Variants in SLC4A8 observed in about 807,000 individuals in gnomAD.
SLC4A8 encodes electroneutral sodium bicarbonate exchanger 1.
In SLC4A8, 40 loss-of-function variants were observed where a neutral mutation model predicts 125.0. That is an observed-to-expected ratio of 0.32 (90% CI 0.25 to 0.42). The LOEUF (loss-of-function observed/expected upper bound fraction) is 0.42, where lower values mean the gene tolerates loss of function less well. Ranked by LOEUF, SLC4A8 falls within the 10% of genes least tolerant of loss-of-function variation. The pLI, the probability that SLC4A8 is intolerant of heterozygous loss-of-function variation, is 1.00. For missense variants in SLC4A8, 863 were observed against 1,355.1 expected (o/e 0.64, Z 5.70); for synonymous variants, 456 against 476.0 (o/e 0.96, Z 0.55).
intron 16 of SLC4A8, among the ~76,000 whole-genome samples, chr12:51,478,105 C>T (rs1950908487): frequency 6.6e-6 from 1 of 152,046 alleles, no homozygotes; most frequent in African/African-American, 2.4e-5. Context: ...GAAACCCTGT[C>T]TCTACTAAAA....
chr12:51,400,765 TATATATATATATAC>T lies in SLC4A8; in HGVS notation c.-112+9281_-112+9294del, dbSNP rs1304420066. On this transcript the variant is annotated intron_variant, in intron 1 of 24. Transcript: ENST00000358657. ...ATATATATATATATATATATATATA[TATATATATATATAC>T]ATACATACACACACACACACACATA... Among the ~76,000 whole-genome samples, 61 of 7,924 alleles carry T rather than the reference TATATATATATATAC, an allele frequency of 7.7e-3. 3 individuals are homozygous for T. Among genetic ancestry groups the T allele is most frequent in the South Asian group, 0.017 (4 of 234 alleles). 5.2% of individuals were successfully genotyped at this position (7,924 alleles called of 152,430 possible).
At chr12:51,469,946 A>G (rs1330128487) in intron 12 of SLC4A8, among the ~76,000 whole-genome samples, 158 bp downstream of exon 12, 1 of 152,154 alleles carries the variant, frequency 6.6e-6, no homozygotes, top group Non-Finnish European at 1.5e-5. Flanking sequence ...CCAAAGAGCA[A>G]CACAGTCCTC....
intron 16 of SLC4A8, among the ~76,000 whole-genome samples, chr12:51,483,876 T>A (rs1951095918): frequency 6.6e-6 from 1 of 152,142 alleles, no homozygotes; most frequent in African/African-American, 2.4e-5. Context: ...CTCCTAATGT[T>A]ATCCCTCCCT....
At chr12:51,460,619 G>A (rs1401792586) in intron 8 of SLC4A8, among the ~76,000 whole-genome samples, 1 of 152,212 alleles carries the variant, frequency 6.6e-6, no homozygotes, top group Non-Finnish European at 1.5e-5. Context: ...TATTCCAGGG[G>A]AACGTCTCTG....
chr12:51,488,879 CT>C lies in SLC4A8; in HGVS notation c.2448+20del, dbSNP rs543978805. The C allele has an allele frequency of 1.0e-5, 16 of 1,598,658 alleles. No homozygotes were observed. In the South Asian group the frequency reaches 1.6e-4, roughly 16 times the overall value. ...GCTCAAGGTAAAAAGAGGTTCTGAC[CT>C]AGAAGGCTGCTGTGGCAACCTGTTA... On this transcript the variant is annotated intron_variant, in intron 18 of 24. Coordinates refer to ENST00000453097, the MANE Select transcript of SLC4A8 (RefSeq NM_001039960.3).
intron 23 of SLC4A8, 146 bp from the exon 24 acceptor site, chr12:51,505,689 A>G: frequency 2.1e-6 from 1 of 481,018 alleles, no homozygotes; most frequent in Non-Finnish European, 3.7e-6. Flanking sequence ...ATCAGACTCC[A>G]TCTTGTTCCC....
At chr12:51,462,576 C>T in intron 10 of SLC4A8, 120 bp downstream of exon 10, 2 of 707,828 alleles carry the variant, frequency 2.8e-6, no homozygotes, top group East Asian at 3.2e-5. Context: ...TTTTGGTGCA[C>T]CTAGAATATC....
intron 1 of SLC4A8, among the ~76,000 whole-genome samples, chr12:51,400,590 ACC>A (rs71089799): frequency 0.28 from 41,573 of 150,174 alleles, 5,849 homozygotes; most frequent in Non-Finnish European, 0.31. Flanking sequence ...TTGATGGGAT[ACC>A]CTAGAACACC....
chr12:51,462,342 G>T lies in SLC4A8; in HGVS notation c.1134G>T (p.Glu378Asp), dbSNP rs573514752. The change falls in exon 10 of 25, where the codon GAG becomes GAT. Residue 378 changes from glutamate (E) to aspartate (D), a missense_variant. Coordinates refer to ENST00000453097, the MANE Select transcript of SLC4A8 (RefSeq NM_001039960.3). ...IFHDVAYKAKERDDLLAGIDE... is the reference protein window; with the variant it reads ...IFHDVAYKAKDRDDLLAGIDE... ...ATGACGTAGCATATAAGGCAAAAGA[G>T]CGAGATGATCTCCTGGCGGGGATTG... is the stretch of plus-strand genomic sequence containing the variant. 1 of 1,614,006 alleles carries T rather than the reference G, an allele frequency of 6.2e-7. No homozygotes were observed. Among genetic ancestry groups the T allele is most frequent in the East Asian group, 2.2e-5 (1 of 44,864 alleles).
chr12:51,406,961 ATG>A (rs1039004349), intron 1 of SLC4A8, among the ~76,000 whole-genome samples: 1 of 152,234 alleles, frequency 6.6e-6, no homozygotes, highest in Non-Finnish European at 1.5e-5. Flanking sequence ...TCCTGGGGGT[ATG>A]TCTTACTCCA....
At chr12:51,391,478 C>CGGAGGAGGAGGTGAGAG (rs1948103317) in exon 1 of SLC4A8, 3 of 156,506 alleles carry the variant, frequency 1.9e-5, no homozygotes, top group Non-Finnish European at 2.8e-5. Context: ...CGAAGGCTGG[C>CGGAGGAGGAGGTGAGAG]GGAGGAGGAG....
intron 17 of SLC4A8, among the ~76,000 whole-genome samples, chr12:51,487,090 G>A (rs987608403): frequency 6.6e-6 from 1 of 152,170 alleles, no homozygotes; most frequent in Non-Finnish European, 1.5e-5. Flanking sequence ...TAGTCAGAAG[G>A]CACTGAATTT....
intron 1 of SLC4A8, among the ~76,000 whole-genome samples, chr12:51,436,025 A>G (rs1949396698): frequency 1.3e-5 from 2 of 152,256 alleles, no homozygotes; most frequent in South Asian, 2.1e-4. Flanking sequence ...ATAAATTTGT[A>G]AATTTAAAAA....
intron 1 of SLC4A8, among the ~76,000 whole-genome samples, chr12:51,402,664 G>A (rs1303080470): frequency 6.6e-6 from 1 of 152,142 alleles, no homozygotes; most frequent in Non-Finnish European, 1.5e-5. Context: ...GGAGGTTGCA[G>A]TGAGCCGAGA....
intron 24 of SLC4A8, 125 bp from the exon 25 acceptor site, chr12:51,507,301 T>A (rs1938213545): frequency 1.8e-6 from 1 of 561,108 alleles, no homozygotes; most frequent in Non-Finnish European, 3.0e-6. Context: ...TGAGAACTAG[T>A]CTACTTGTAA....
chr12:51,495,425 T>C (rs1299382543), intron 21 of SLC4A8, among the ~76,000 whole-genome samples: 2 of 151,964 alleles, frequency 1.3e-5, no homozygotes, highest in African/African-American at 4.8e-5. Flanking sequence ...ATCACAGAAT[T>C]TGTCCTTTTG....
intron 1 of SLC4A8, among the ~76,000 whole-genome samples, chr12:51,438,089 A>G (rs189277219): frequency 6.6e-6 from 1 of 152,368 alleles, no homozygotes; most frequent in African/African-American, 2.4e-5. Context: ...TATAGTGATC[A>G]GATCAGAGTA....
intron 1 of SLC4A8, among the ~76,000 whole-genome samples, chr12:51,433,883 G>GTTTTT (rs1949302739): frequency 4.2e-5 from 1 of 24,052 alleles, no homozygotes; most frequent in Non-Finnish European, 8.2e-5. Flanking sequence ...TTTTTTGGTT[G>GTTTTT]GTTTTTTTTT....
At chr12:51,407,576 A>C (rs1247079035) in intron 1 of SLC4A8, among the ~76,000 whole-genome samples, 1 of 152,082 alleles carries the variant, frequency 6.6e-6, no homozygotes, top group Non-Finnish European at 1.5e-5. Flanking sequence ...GCTTCAACAT[A>C]GATTTCAATA....
Sources: allele counts gnomAD v4.1 joint callset (sites outside exome capture counted in the v4.1 genomes callset), GRCh38; gene constraint gnomAD v4.1.1; transcripts MANE v1.5; gene names NCBI Gene and HGNC (gene_info 2026-07-23, HGNC 2026-07-21).